The following PBRM1 variants were observed in gnomAD, a reference collection of about 807,000 sequenced individuals.
PBRM1 encodes polybromo 1.
PBRM1 carries 27 observed loss-of-function variants against 194.5 expected under a neutral mutation model. That is an observed-to-expected ratio of 0.14 (90% confidence interval 0.10 to 0.19). The LOEUF (loss-of-function observed/expected upper bound fraction) is 0.19. Among genes scored for constraint, PBRM1 ranks in the 10% least tolerant of loss-of-function variants. PBRM1 has a pLI of 1.00. For synonymous variants in PBRM1, 655 were observed against 693.2 expected (o/e 0.94, Z 0.87); for missense variants, 1,466 against 2,077.2 (o/e 0.71, Z 5.72).
chr3:52,684,461 A>C (rs2097275254), upstream of PBRM1, among the ~76,000 whole-genome samples: 1 of 152,214 alleles, frequency 6.6e-6, no homozygotes, highest in African/African-American at 2.4e-5. Context: ...AATACAATAC[A>C]TGTTTAAAAC....
chr3:52,683,421 C>A (rs188856834), upstream of PBRM1, among the ~76,000 whole-genome samples: 52 of 151,772 alleles, frequency 3.4e-4, no homozygotes, highest in African/African-American at 1.2e-3. Flanking sequence ...GCATGTTCCC[C>A]AGGCACAGGA....
intron 22 of PBRM1, among the ~76,000 whole-genome samples, chr3:52,573,936 T>C (rs951625152): frequency 1.4e-4 from 22 of 152,344 alleles, no homozygotes; most frequent in Non-Finnish European, 4.4e-5. Flanking sequence ...AACAGCTCCA[T>C]GCTCCAAGAA....
chr3:52,659,963 C>G, intron 4 of PBRM1, among the ~76,000 whole-genome samples: 1 of 152,182 alleles, frequency 6.6e-6, no homozygotes, highest in East Asian at 1.9e-4. Flanking sequence ...TGGTGACAGG[C>G]ATCTGCAATC....
chr3:52,651,940 C>T (rs947059008), intron 5 of PBRM1, 130 bp from the exon 7 acceptor site: 6 of 604,112 alleles, frequency 9.9e-6, no homozygotes, highest in Non-Finnish European at 1.8e-5. Flanking sequence ...AGACTAAAGA[C>T]ATGGCTGTAC....
chr3:52,604,145 G>A (rs1048351192), intron 16 of PBRM1, among the ~76,000 whole-genome samples: 2 of 152,182 alleles, frequency 1.3e-5, no homozygotes, highest in African/African-American at 2.4e-5. Context: ...GCAGACCGAT[G>A]TGTTACATAA....
rs1228907805 is a variant in PBRM1 at position 52,658,466 on chromosome 3, C to G, written c.529-151G>C. 2.1e-5 allele frequency: 10 copies of G among 485,582 alleles called. No individual in the cohort carries two copies. The East Asian group carries it at 3.3e-4, about 16-fold the overall frequency. 30.1% of individuals were successfully genotyped at this position (485,582 alleles called of 1,614,324 possible). A position where few individuals can be genotyped will look rare whatever the true frequency, so the allele number is the denominator to read the frequency against. ...CTGGAGTACAGTGGCACAATTTCAG[C>G]TCACTGCAACCTCCACCTCCTGGGT... On this transcript the variant is annotated intron_variant, in intron 4 of 29. Coordinates refer to ENST00000296302, the Ensembl canonical transcript of PBRM1.
intron 29 of PBRM1, 101 bp downstream of exon 31, chr3:52,550,320 A>C (rs2080623099): frequency 2.2e-6 from 1 of 458,306 alleles, no homozygotes; most frequent in Non-Finnish European, 3.7e-6. Flanking sequence ...TAATTGTATA[A>C]GAAAAAGGGG....
At chr3:52,678,164 A>C (rs1179096594) in intron 2 of PBRM1, among the ~76,000 whole-genome samples, 1 of 152,034 alleles carries the variant, frequency 6.6e-6, no homozygotes, top group Non-Finnish European at 1.5e-5. Context: ...ACGGGGTCTC[A>C]TTATGTTGCC....
chr3:52,562,437 TCTTC>T (rs1249059546), intron 24 of PBRM1, among the ~76,000 whole-genome samples: 3 of 151,782 alleles, frequency 2.0e-5, no homozygotes, highest in African/African-American at 7.3e-5. Context: ...AAAACACACC[TCTTC>T]CTTATCTATT....
intron 8 of PBRM1, among the ~76,000 whole-genome samples, chr3:52,643,817 A>G (rs2096202055): frequency 6.6e-6 from 1 of 152,140 alleles, no homozygotes; most frequent in Non-Finnish European, 1.5e-5. Flanking sequence ...TAAAAATACA[A>G]AAAGATTAGC....
In PBRM1 at chr3:52,641,099, G is replaced by C. The variant is rs185125375; in HGVS notation, c.1087+855C>G. Among the ~76,000 whole-genome samples the C allele has an allele frequency of 3.3e-5, 5 of 152,214 alleles. No homozygotes were observed. In the East Asian group the frequency reaches 9.6e-4, roughly 29 times the overall value. On this transcript the variant is annotated intron_variant, in intron 10 of 29. Transcript: ENST00000296302. ...ATACATAATAGCCTATAGTGATTAT[G>C]AAATTTCTATAGGAGATTTAGTTAA... is the stretch of plus-strand genomic sequence containing the variant.
At chr3:52,627,334 C>T (rs371948738) in exon 13 of PBRM1, 4 of 1,613,562 alleles carry the variant, frequency 2.5e-6, no homozygotes, top group African/African-American at 2.7e-5. Flanking sequence ...TCTCCGTCCT[C>T]GATATCGTCT....
intron 9 of PBRM1, among the ~76,000 whole-genome samples, chr3:52,642,529 T>C (rs998608009): frequency 6.9e-6 from 1 of 144,600 alleles, no homozygotes; most frequent in Non-Finnish European, 1.5e-5. Context: ...GGCAGGCGAA[T>C]CACTTGAATC....
At chr3:52,612,711 C>G (rs1176775857) in intron 15 of PBRM1, among the ~76,000 whole-genome samples, 4 of 152,056 alleles carry the variant, frequency 2.6e-5, no homozygotes, top group African/African-American at 9.7e-5. Flanking sequence ...CGAGACCAGT[C>G]TGGCCAACAT....
At chr3:52,667,101 A>T (rs1237823762) in intron 3 of PBRM1, among the ~76,000 whole-genome samples, 1 of 152,090 alleles carries the variant, frequency 6.6e-6, no homozygotes, top group African/African-American at 2.4e-5. Context: ...ACCTTATAAA[A>T]GACAAAAATC....
At position 52,618,591 on chromosome 3, in the gene PBRM1, G is replaced by GT. The variant is rs67103558; in HGVS notation, c.1542-1054dup. On this transcript the variant is annotated intron_variant, in intron 13 of 29. Coordinates refer to ENST00000296302, the Ensembl canonical transcript of PBRM1. ...ATAACAAGAAATGACTTATGACTTA[G>GT]TTTTTTTTTTTTTTTTTTTTGAGAT... Among the ~76,000 whole-genome samples the GT allele has an allele frequency of 9.1e-3, 1,118 of 123,470 alleles. 13 individuals are homozygous for GT. The highest frequency in any genetic ancestry group is 0.02 in the African/African-American group (683 of 34,462). The allele number at this position is 123,470 out of a possible 152,430, so 81.0% of individuals were successfully genotyped here.
intron 24 of PBRM1, 79 bp from the exon 27 acceptor site, chr3:52,562,047 C>G (rs941049181): frequency 5.4e-6 from 6 of 1,117,866 alleles, no homozygotes; most frequent in Non-Finnish European, 8.2e-6. Flanking sequence ...GCCAGCCGGG[C>G]GCGGTGGCTC....
downstream of PBRM1, chr3:52,545,620 AAAC>A (rs1559754000): frequency 4.3e-6 from 1 of 233,044 alleles, no homozygotes; most frequent in African/African-American, 2.2e-5. Context: ...CTTAAAAAAA[AAAC>A]AACAACCAAA....
Position 52,615,334 on chromosome 3 carries a change from G to T in PBRM1, c.1924+17C>A, listed in dbSNP as rs751015456. ...TTGATAGACTAAACTAAATAATGAA[G>T]TGTGAGGCTGCCTTACTCAGCTTGA... On this transcript the variant is annotated intron_variant, in intron 15 of 29. Transcript: ENST00000296302. The T allele has an allele frequency of 3.7e-6, 5 of 1,349,004 alleles. No homozygotes were observed. In the East Asian group the frequency reaches 1.1e-4, roughly 31 times the overall value. 83.6% of individuals were successfully genotyped at this position (1,349,004 alleles called of 1,614,324 possible).
Sources: gnomAD v4.1 joint callset for allele counts (sites outside exome capture counted in the v4.1 genomes callset) on GRCh38, gnomAD v4.1.1 for gene constraint, MANE v1.5 for transcripts, NCBI Gene and HGNC (gene_info 2026-07-23, HGNC 2026-07-21) for gene names.